Variants in PCCA observed in about 807,000 individuals in gnomAD.
PCCA encodes the protein propionyl-CoA carboxylase alpha chain, mitochondrial.
Under a neutral mutation model 101.3 loss-of-function variants are expected in PCCA, and 74 were observed. The observed-to-expected ratio is 0.73, with a 90% CI of 0.61 to 0.89. PCCA has a LOEUF of 0.89. Among genes scored for constraint, PCCA ranks in the 40% least tolerant of loss-of-function variants. The pLI, the probability that PCCA is intolerant of heterozygous loss-of-function variation, is 0.00. For synonymous variants in PCCA, 294 were observed against 313.6 expected (o/e 0.94, Z 0.66); for missense variants, 891 against 907.0 (o/e 0.98, Z 0.23).
At chr13:100,392,200 GGGAAGGAAGGAA>G (rs146665311) in intron 19 of PCCA, among the ~76,000 whole-genome samples, 1 of 152,016 alleles carries the variant, frequency 6.6e-6, no homozygotes, top group African/African-American at 2.4e-5. Flanking sequence ...AGAGGAGTTG[GGGAAGGAAGGAA>G]GGAAGGAAGA....
chr13:100,214,763 T>A (rs1188989372), intron 7 of PCCA, among the ~76,000 whole-genome samples: 1 of 152,150 alleles, frequency 6.6e-6, no homozygotes, highest in Non-Finnish European at 1.5e-5. Context: ...CTTCTTTGGT[T>A]AAGTTTATTC....
chr13:100,506,087 AT>A (rs1327775071), intron 21 of PCCA, among the ~76,000 whole-genome samples: 2 of 152,136 alleles, frequency 1.3e-5, no homozygotes, highest in African/African-American at 2.4e-5. Flanking sequence ...AGAAGGTGCC[AT>A]CTCGTTGGGA....
In PCCA at chr13:100,105,901, C is replaced by T. The variant is rs189774209; in HGVS notation, c.183+2941C>T. On this transcript the variant is annotated intron_variant, in intron 2 of 23. Transcript: ENST00000376285. ...AAGAAAAGAAAAGGAAAAAAAGAAACGGGCTGTCATTGAGGAAGTTTGTGG... is the reference window on the plus strand; with the variant it reads ...AAGAAAAGAAAAGGAAAAAAAGAAATGGGCTGTCATTGAGGAAGTTTGTGG... Among the ~76,000 whole-genome samples the T allele has an allele frequency of 5.0e-3, 630 of 125,648 alleles. 6 individuals carry two copies. Among genetic ancestry groups the T allele is most frequent in the African/African-American group, 0.017 (594 of 34,124 alleles). 82.4% of individuals were successfully genotyped at this position (125,648 alleles called of 152,430 possible).
At chr13:100,323,900 G>A (rs1450918546) in intron 16 of PCCA, among the ~76,000 whole-genome samples, 1 of 152,112 alleles carries the variant, frequency 6.6e-6, no homozygotes, top group East Asian at 1.9e-4. Context: ...ACTTACCTAA[G>A]GTAAGGGATA....
chr13:100,408,107 G>T (rs2077799554), intron 19 of PCCA, among the ~76,000 whole-genome samples: 1 of 152,184 alleles, frequency 6.6e-6, no homozygotes, highest in African/African-American at 2.4e-5. Flanking sequence ...AGCTAAGATT[G>T]CACGACTGCA....
chr13:100,191,747 G>T (rs2057758175), intron 6 of PCCA, among the ~76,000 whole-genome samples: 1 of 152,182 alleles, frequency 6.6e-6, no homozygotes, highest in Non-Finnish European at 1.5e-5. Context: ...TGGGAATAGG[G>T]GTGATAACAT....
intron 6 of PCCA, among the ~76,000 whole-genome samples, chr13:100,167,246 C>G (rs534555836): frequency 6.6e-6 from 1 of 151,838 alleles, no homozygotes; most frequent in Non-Finnish European, 1.5e-5. Flanking sequence ...TAGTTTGAAC[C>G]TTTTGAGTCT....
At chr13:100,211,045 G>C (rs1011766472) in intron 7 of PCCA, among the ~76,000 whole-genome samples, 1 of 152,082 alleles carries the variant, frequency 6.6e-6, no homozygotes, top group African/African-American at 2.4e-5. Context: ...TCTCTCTTCT[G>C]TGTCTTAAAA....
chr13:100,491,375 T>C (rs1159883075), intron 21 of PCCA: 1 of 193,502 alleles, frequency 5.2e-6, no homozygotes, highest in African/African-American at 2.4e-5. Context: ...TGAAAGAACA[T>C]CACGTGACTG....
At chr13:100,094,422 CTTTAT>C (rs2046581594) in intron 1 of PCCA, among the ~76,000 whole-genome samples, 1 of 151,998 alleles carries the variant, frequency 6.6e-6, no homozygotes, top group Non-Finnish European at 1.5e-5. Context: ...AAATTAGTTT[CTTTAT>C]TTTAAATGCC....
chr13:100,274,774 A>G (rs2063529849), intron 12 of PCCA, among the ~76,000 whole-genome samples: 4 of 151,966 alleles, frequency 2.6e-5, no homozygotes, highest in Admixed American at 2.6e-4. Flanking sequence ...ATCATACGTG[A>G]TTTCCTCTGC....
intron 18 of PCCA, among the ~76,000 whole-genome samples, chr13:100,356,188 T>C (rs1258051095): frequency 2.6e-5 from 4 of 152,130 alleles, no homozygotes; most frequent in Non-Finnish European, 5.9e-5. Flanking sequence ...GAGTTAATCT[T>C]TGTTACGTTT....
At chr13:100,193,351 G>A (rs939145065) in intron 6 of PCCA, among the ~76,000 whole-genome samples, 4 of 152,052 alleles carry the variant, frequency 2.6e-5, no homozygotes, top group African/African-American at 9.7e-5. Context: ...TGTGTTTTGA[G>A]GAAGAGAAGA....
At chr13:100,472,354 A>G (rs1177255819) in intron 21 of PCCA, among the ~76,000 whole-genome samples, 11 of 140,524 alleles carry the variant, frequency 7.8e-5, no homozygotes, top group Non-Finnish European at 1.4e-4. Context: ...GCCTCCATCT[A>G]CTCCCCAGTC....
intron 12 of PCCA, among the ~76,000 whole-genome samples, chr13:100,280,757 A>G (rs1260325819): frequency 6.6e-6 from 1 of 150,896 alleles, no homozygotes; most frequent in African/African-American, 2.5e-5. Context: ...AAACTTTAGA[A>G]ATAAACAATT....
intron 12 of PCCA, among the ~76,000 whole-genome samples, chr13:100,294,474 G>C (rs1317396891): frequency 1.3e-5 from 2 of 151,604 alleles, no homozygotes; most frequent in African/African-American, 2.4e-5. Context: ...TGTATACATA[G>C]CATATAAAAA....
At chr13:100,500,958 A>G (rs2152988285) in intron 21 of PCCA, among the ~76,000 whole-genome samples, 1 of 152,330 alleles carries the variant, frequency 6.6e-6, no homozygotes, top group African/African-American at 2.4e-5. Flanking sequence ...CCTGGCCAAT[A>G]TGGTGAAACC....
intron 6 of PCCA, among the ~76,000 whole-genome samples, chr13:100,177,868 A>G (rs966513716): frequency 6.6e-6 from 1 of 152,198 alleles, no homozygotes; most frequent in Non-Finnish European, 1.5e-5. Flanking sequence ...AGTAGACTAT[A>G]TAAAGTATGT....
At chr13:100,252,620 A>G (rs1480912044) in intron 8 of PCCA, among the ~76,000 whole-genome samples, 2 of 152,108 alleles carry the variant, frequency 1.3e-5, no homozygotes, top group Admixed American at 6.5e-5. Context: ...AAGTAAGGTT[A>G]TTTATTGTGT....
Sources: allele counts gnomAD v4.1 joint callset (sites outside exome capture counted in the v4.1 genomes callset), GRCh38; gene constraint gnomAD v4.1.1; transcripts MANE v1.5; gene names NCBI Gene and HGNC (gene_info 2026-07-23, HGNC 2026-07-21).